Variants in APOBEC3D observed in about 807,000 individuals in gnomAD.
The protein encoded by APOBEC3D is apolipoprotein B mRNA editing enzyme catalytic subunit 3D.
Under a neutral mutation model 45.6 loss-of-function variants are expected in APOBEC3D, and 37 were observed. The ratio of observed to expected loss-of-function variants is 0.81; its 90% confidence interval spans 0.62 to 1.07. The LOEUF is 1.07. Ranked by LOEUF, APOBEC3D falls within the 50% of genes least tolerant of loss-of-function variation. APOBEC3D has a pLI of 0.00. For missense variants in APOBEC3D, 496 were observed against 495.3 expected (o/e 1.00, Z -0.01); for synonymous variants, 175 against 180.7 (o/e 0.97, Z 0.25).
chr22:39,032,161 C>T, intron 6 of APOBEC3D, 37 bp from the exon 7 acceptor site: 3 of 1,608,146 alleles, frequency 1.9e-6, no homozygotes, highest in Non-Finnish European at 1.7e-6. Context: ...GAGAGGCTTG[C>T]TGGGCCCTCA....
intron 2 of APOBEC3D, among the ~76,000 whole-genome samples, chr22:39,023,590 G>A (rs1026020496): frequency 1.3e-5 from 2 of 151,752 alleles, no homozygotes; most frequent in African/African-American, 4.8e-5. Context: ...GGGATTACAG[G>A]TGCACGCCAC....
chr22:39,028,886 G>A lies in APOBEC3D; in HGVS notation c.606-477G>A, dbSNP rs571218030. On this transcript the variant is annotated intron_variant, in intron 4 of 6. Coordinates refer to ENST00000216099, the MANE Select transcript of APOBEC3D (RefSeq NM_152426.4). ...GGAGGCGGAAGTTATAGTGAGCCGA[G>A]ATTGCACCACTGCACTCCAGCCTGG... is the stretch of plus-strand genomic sequence containing the variant. Among the ~76,000 whole-genome samples the A allele has an allele frequency of 2.0e-5, 3 of 152,282 alleles. No individual in the cohort carries two copies. In the South Asian group the frequency reaches 6.2e-4, roughly 32 times the overall value.
At chr22:39,031,556 G>A (rs1400906056) in intron 5 of APOBEC3D, 138 bp from the exon 6 acceptor site, 11 of 1,327,918 alleles carry the variant, frequency 8.3e-6, no homozygotes, top group Non-Finnish European at 1.1e-5. Context: ...GGCAACAGGA[G>A]AGACCCTGTC....
intron 2 of APOBEC3D, among the ~76,000 whole-genome samples, chr22:39,024,624 C>T (rs1459467403): frequency 6.6e-6 from 1 of 152,162 alleles, no homozygotes; most frequent in Non-Finnish European, 1.5e-5. Context: ...TGCACAGTCA[C>T]ATGGGGGTGA....
chr22:39,030,068 C>T (rs1057002663), intron 5 of APOBEC3D, among the ~76,000 whole-genome samples: 6 of 150,896 alleles, frequency 4.0e-5, no homozygotes, highest in African/African-American at 9.8e-5. Flanking sequence ...TGGAGCTGTG[C>T]GTCCGGCAGT....
Position 39,030,684 on chromosome 22 carries a change from A to G in APOBEC3D, c.763-1010A>G, listed in dbSNP as rs371836467. Among the ~76,000 whole-genome samples the G allele has an allele frequency of 2.6e-5, 4 of 152,070 alleles. No homozygotes were observed. The East Asian group carries it at 7.8e-4, about 30-fold the overall frequency. ...TGGCCAACCTTCAACTCCATGGGAC[A>G]ATGTGGGTCCAATGACCTTCCCAGC... On this transcript the variant is annotated intron_variant, in intron 5 of 6. Transcript: ENST00000216099.
rs1926321964 is a variant in APOBEC3D, at chr22:39,032,471, C to G, written c.*155C>G. On this transcript the variant is annotated 3_prime_UTR_variant, in exon 7 of 7. Coordinates refer to ENST00000216099, the MANE Select transcript of APOBEC3D (RefSeq NM_152426.4). ...CCATAGTGCCCCCCTGCCTCACCACCTCCTCCCCGCTCTCCCAGGCTCTTC... is the reference window on the plus strand; with the variant it reads ...CCATAGTGCCCCCCTGCCTCACCACGTCCTCCCCGCTCTCCCAGGCTCTTC... 6.9e-7 allele frequency: 1 copy of G among 1,449,050 alleles called. No individual in the cohort carries two copies. Among genetic ancestry groups the G allele is most frequent in the African/African-American group, 1.4e-5 (1 of 70,182 alleles). The allele number at this position is 1,449,050 out of a possible 1,614,324, so 89.8% of individuals were successfully genotyped here.
chr22:39,021,826 C>T (rs956379361), intron 1 of APOBEC3D, among the ~76,000 whole-genome samples: 2 of 152,230 alleles, frequency 1.3e-5, no homozygotes, highest in African/African-American at 4.8e-5. Flanking sequence ...GAGGGTGCTC[C>T]CTCTGTGTGC....
chr22:39,029,025 T>A (rs1424207844), intron 4 of APOBEC3D, among the ~76,000 whole-genome samples: 3 of 152,200 alleles, frequency 2.0e-5, no homozygotes, highest in African/African-American at 7.2e-5. Context: ...AGCTGAAATG[T>A]TCAAGCAATT....
intron 4 of APOBEC3D, among the ~76,000 whole-genome samples, 198 bp downstream of exon 4, chr22:39,025,869 T>C (rs1232527540): frequency 6.6e-6 from 1 of 151,810 alleles, no homozygotes; most frequent in African/African-American, 2.4e-5. Flanking sequence ...TTCCTGTGAG[T>C]GAGAGGCCCC....
intron 2 of APOBEC3D, among the ~76,000 whole-genome samples, chr22:39,024,054 G>A (rs1047179364): frequency 1.3e-5 from 2 of 152,160 alleles, no homozygotes; most frequent in African/African-American, 4.8e-5. Context: ...TGAAGCACAA[G>A]TGTTTCCAGT....
intron 5 of APOBEC3D, among the ~76,000 whole-genome samples, chr22:39,031,413 CA>C (rs1175995312): frequency 2.0e-5 from 3 of 152,022 alleles, no homozygotes; most frequent in African/African-American, 7.2e-5. Flanking sequence ...ACAAAAATTA[CA>C]AAAAAATTAG....
chr22:39,025,379 A>T, intron 3 of APOBEC3D, 30 bp downstream of exon 3: 1 of 1,612,390 alleles, frequency 6.2e-7, no homozygotes, highest in Non-Finnish European at 8.5e-7. Context: ...GGGGAGCATG[A>T]CGGGGAGGAA....
At chr22:39,022,778 A>G (rs760801676) in intron 1 of APOBEC3D, 44 bp from the exon 2 acceptor site, 141 of 1,591,302 alleles carry the variant, frequency 8.9e-5, no homozygotes, top group Non-Finnish European at 8.2e-5. Context: ...CGAGGACTCC[A>G]GGAGGGCTCC....
chr22:39,025,747 G>C, intron 4 of APOBEC3D, 76 bp downstream of exon 4: 1 of 1,606,542 alleles, frequency 6.2e-7, no homozygotes, highest in South Asian at 1.1e-5. Context: ...CCCCTGGCTG[G>C]GCCCTCCTGC....
chr22:39,023,262 C>G (rs990678515), intron 2 of APOBEC3D, among the ~76,000 whole-genome samples: 1 of 151,788 alleles, frequency 6.6e-6, no homozygotes, highest in Non-Finnish European at 1.5e-5. Context: ...ACTACAGGCG[C>G]GTGCTACCAC....
chr22:39,024,334 G>A (rs1925418209), intron 2 of APOBEC3D, among the ~76,000 whole-genome samples: 1 of 152,332 alleles, frequency 6.6e-6, no homozygotes, highest in South Asian at 2.1e-4. Flanking sequence ...CCCCAGTGGG[G>A]AACAAGGCGG....
intron 2 of APOBEC3D, among the ~76,000 whole-genome samples, chr22:39,024,321 C>T (rs1033162890): frequency 6.6e-6 from 1 of 152,168 alleles, no homozygotes; most frequent in African/African-American, 2.4e-5. Context: ...GGTCCAGTGG[C>T]CTCCCCAGTG....
chr22:39,025,373 A>G, intron 3 of APOBEC3D, 24 bp downstream of exon 3: 1 of 1,612,554 alleles, frequency 6.2e-7, no homozygotes, highest in South Asian at 1.1e-5. Context: ...GGGTCAGGGG[A>G]GCATGACGGG....
Sources: allele counts gnomAD v4.1 joint callset (sites outside exome capture counted in the v4.1 genomes callset), GRCh38; gene constraint gnomAD v4.1.1; transcripts MANE v1.5; gene names NCBI Gene and HGNC (gene_info 2026-07-23, HGNC 2026-07-21).